ANKS3: variants seen among roughly 807,000 people sequenced by gnomAD.
ANKS3 encodes ankyrin repeat and sterile alpha motif domain containing 3, also known as ankyrin repeat and SAM domain-containing protein 3.
A neutral mutation model predicts 80.7 loss-of-function variants in ANKS3; 62 were observed. The observed-to-expected ratio is 0.77, with a 90% CI of 0.63 to 0.95. ANKS3 has a LOEUF of 0.95. Ranked by LOEUF, ANKS3 falls within the 40% of genes least tolerant of loss-of-function variation. ANKS3 has a pLI of 0.00. For missense variants in ANKS3, 1,150 were observed against 883.6 expected (o/e 1.30, Z -3.82); for synonymous variants, 489 against 355.3 (o/e 1.38, Z -4.23).
intron 6 of ANKS3, among the ~76,000 whole-genome samples, chr16:4,720,509 G>A (rs1384520579): frequency 6.7e-6 from 1 of 149,788 alleles, no homozygotes; most frequent in Admixed American, 6.7e-5. Context: ...GTGTGAACCA[G>A]GACCACTATG....
chr16:4,727,549 C>T (rs1326732475), intron 3 of ANKS3: 1 of 341,852 alleles, frequency 2.9e-6, no homozygotes, highest in Non-Finnish European at 5.7e-6. Flanking sequence ...AAGGCTGCCG[C>T]TAAACATCCC....
chr16:4,726,594 C>A (rs1596453015), intron 5 of ANKS3, 65 bp downstream of exon 5: 1 of 1,563,904 alleles, frequency 6.4e-7, no homozygotes, highest in East Asian at 2.3e-5. Context: ...GCCTCCAGAG[C>A]CACCCTCCTT....
At chr16:4,705,777 G>C (rs2080156563) in intron 7 of ANKS3, among the ~76,000 whole-genome samples, 1 of 151,972 alleles carries the variant, frequency 6.6e-6, no homozygotes, top group Non-Finnish European at 1.5e-5. Context: ...TATTATCTCT[G>C]TTGGGGTTTG....
intron 7 of ANKS3, among the ~76,000 whole-genome samples, chr16:4,710,715 A>T (rs2080439496): frequency 6.6e-6 from 1 of 152,234 alleles, no homozygotes; most frequent in Non-Finnish European, 1.5e-5. Context: ...GTCACAAAAA[A>T]TAAATCAATA....
intron 7 of ANKS3, among the ~76,000 whole-genome samples, chr16:4,707,788 C>A (rs2080276714): frequency 1.3e-5 from 2 of 152,096 alleles, no homozygotes; most frequent in Non-Finnish European, 2.9e-5. Flanking sequence ...GAGAATACAA[C>A]TTCTCAAGCA....
intron 2 of ANKS3, among the ~76,000 whole-genome samples, chr16:4,730,659 G>A (rs955988845): frequency 6.6e-5 from 10 of 152,138 alleles, no homozygotes; most frequent in Admixed American, 6.6e-5. Flanking sequence ...TTGAGGTCAA[G>A]AGTTCAAGAC....
intron 6 of ANKS3, among the ~76,000 whole-genome samples, chr16:4,716,615 T>C (rs2142100278): frequency 6.6e-6 from 1 of 152,208 alleles, no homozygotes; most frequent in Non-Finnish European, 1.5e-5. Flanking sequence ...TGAGACTTTG[T>C]GCCTTAAAAA....
At chr16:4,714,215 G>A in intron 6 of ANKS3, 29 bp from the exon 7 acceptor site, 1 of 1,611,676 alleles carries the variant, frequency 6.2e-7, no homozygotes, top group African/African-American at 1.3e-5. Context: ...GGGGGTTAGG[G>A]GCCTCTCCTT....
chr16:4,730,197 C>T (rs766052495), intron 2 of ANKS3, 46 bp from the exon 3 acceptor site: 1 of 1,439,846 alleles, frequency 6.9e-7, no homozygotes, highest in Non-Finnish European at 9.2e-7. Context: ...GCTGGTTGTT[C>T]CAGGGCATGA....
In ANKS3 at chr16:4,699,101, G is replaced by C. The variant is rs373937147; in HGVS notation, c.1360C>G (p.Arg454Gly). The change falls in exon 12 of 18, where the codon CGC becomes GGC. Residue 454 changes from arginine (R) to glycine (G), a missense_variant. Physicochemically the swap from Arg to Gly is moderately radical, Grantham distance 125. Coordinates refer to ENST00000304283, the MANE Select transcript of ANKS3 (RefSeq NM_133450.4). ...CTCTCAGTGAGGGTCAGAAAGATGC[G>C]GAGGTCCACGTCCTGCTCCTCAAAC... is the stretch of plus-strand genomic sequence containing the variant. ...QVFEEQDVDLRIFLTLTESDL... is the reference protein window; with the variant it reads ...QVFEEQDVDLGIFLTLTESDL... 6.2e-7 allele frequency: 1 copy of C among 1,614,156 alleles called. No homozygotes were observed. Among genetic ancestry groups the C allele is most frequent in the East Asian group, 2.2e-5 (1 of 44,876 alleles).
At chr16:4,701,307 G>T in intron 10 of ANKS3, 127 bp downstream of exon 10, 1 of 1,326,502 alleles carries the variant, frequency 7.5e-7, no homozygotes, top group Non-Finnish European at 1.0e-6. Context: ...GACACAGCAC[G>T]TCCCAGTGCA....
At chr16:4,708,831 C>T (rs539999672) in intron 7 of ANKS3, among the ~76,000 whole-genome samples, 2 of 151,056 alleles carry the variant, frequency 1.3e-5, no homozygotes, top group African/African-American at 2.4e-5. Context: ...CCCAGCTACT[C>T]AAAAGGCTGA....
chr16:4,714,400 G>A (rs920982338), intron 6 of ANKS3: 2 of 637,938 alleles, frequency 3.1e-6, no homozygotes, highest in Non-Finnish European at 5.2e-6. Flanking sequence ...GATGAGGAGG[G>A]CTGGGGGCTG....
chr16:4,704,966 C>G, intron 8 of ANKS3, 129 bp downstream of exon 8: 3 of 1,243,750 alleles, frequency 2.4e-6, no homozygotes, highest in Non-Finnish European at 3.3e-6. Flanking sequence ...GAAAGCTGGG[C>G]CACCTGTCCC....
At chr16:4,703,506 C>T (rs1368242370) in intron 8 of ANKS3, among the ~76,000 whole-genome samples, 15 of 151,558 alleles carry the variant, frequency 9.9e-5, no homozygotes, top group African/African-American at 2.7e-4. Context: ...CTGCAACCTC[C>T]GCCTCCCGGG....
At chr16:4,697,849 G>A (rs536663265) in intron 15 of ANKS3, 128 bp downstream of exon 15, 3 of 898,870 alleles carry the variant, frequency 3.3e-6, no homozygotes, top group Non-Finnish European at 3.3e-6. Flanking sequence ...CTGGGATCAT[G>A]TGCACACAGG....
intron 11 of ANKS3, chr16:4,700,729 T>A: frequency 1.5e-6 from 1 of 674,118 alleles, no homozygotes; most frequent in Non-Finnish European, 2.7e-6. Flanking sequence ...GGAGGCCAAC[T>A]CCAGTATGGA....
chr16:4,702,470 C>A (rs545911019), intron 8 of ANKS3, among the ~76,000 whole-genome samples: 1 of 152,218 alleles, frequency 6.6e-6, no homozygotes, highest in African/African-American at 2.4e-5. Flanking sequence ...CCAGGTCAAG[C>A]CTGGGCCCTC....
intron 4 of ANKS3, 35 bp downstream of exon 4, chr16:4,726,944 T>A (rs1452260945): frequency 6.2e-7 from 1 of 1,612,986 alleles, no homozygotes; most frequent in East Asian, 2.2e-5. Flanking sequence ...ACGGAGCCCC[T>A]CAGGTTTCTG....
Sources: allele counts gnomAD v4.1 joint callset (sites outside exome capture counted in the v4.1 genomes callset), GRCh38; gene constraint gnomAD v4.1.1; transcripts MANE v1.5; gene names NCBI Gene and HGNC (gene_info 2026-07-23, HGNC 2026-07-21).